The following MNAT1 variants were observed in gnomAD, a reference collection of about 807,000 sequenced individuals.
MNAT1 encodes the protein MNAT1 component of CDK activating kinase, also known as CDK-activating kinase assembly factor MAT1.
MNAT1 carries 43 observed loss-of-function variants against 42.0 expected under a neutral mutation model. That is an observed-to-expected ratio of 1.02 (90% CI 0.80 to 1.32). The LOEUF (loss-of-function observed/expected upper bound fraction) is 1.32. Among genes scored for constraint, MNAT1 ranks in the 40% most tolerant of loss-of-function variants. The probability of loss-of-function intolerance (pLI) is 0.00; values close to 1 mark genes in which losing one functional copy is unlikely to be tolerated. For synonymous variants in MNAT1, 118 were observed against 120.0 expected, an observed-to-expected ratio of 0.98 and a Z score of 0.11; for missense variants, 306 against 350.4, an observed-to-expected ratio of 0.87 and a Z score of 1.01.
chr14:60,888,287 G>T (rs1287058729), intron 7 of MNAT1, among the ~76,000 whole-genome samples: 1 of 151,678 alleles, frequency 6.6e-6, no homozygotes, highest in Non-Finnish European at 1.5e-5. Flanking sequence ...TGCAAGGCTG[G>T]TTCAACATAC....
chr14:60,901,852 G>C (rs2035078878), intron 7 of MNAT1, among the ~76,000 whole-genome samples: 1 of 152,202 alleles, frequency 6.6e-6, no homozygotes, highest in Non-Finnish European at 1.5e-5. Flanking sequence ...GATGGAATCT[G>C]CTCCTGGTGA....
At chr14:60,921,150 T>C (rs2035651366) in intron 7 of MNAT1, among the ~76,000 whole-genome samples, 1 of 152,164 alleles carries the variant, frequency 6.6e-6, no homozygotes, top group Non-Finnish European at 1.5e-5. Context: ...AGATGTTACA[T>C]AAACTGTTGG....
chr14:60,790,244 AC>A (rs2031775947), intron 1 of MNAT1, among the ~76,000 whole-genome samples: 1 of 152,068 alleles, frequency 6.6e-6, no homozygotes, highest in Non-Finnish European at 1.5e-5. Context: ...AAATCTTGGG[AC>A]CCCCAAAATC....
intron 7 of MNAT1, among the ~76,000 whole-genome samples, chr14:60,906,415 A>G (rs1328233783): frequency 6.6e-6 from 1 of 152,202 alleles, no homozygotes; most frequent in African/African-American, 2.4e-5. Context: ...ATGGTGGGCA[A>G]TGGTGGCAAG....
At chr14:60,918,758 T>TATA (rs371722863) in intron 7 of MNAT1, among the ~76,000 whole-genome samples, 24,158 of 142,010 alleles carry the variant, frequency 0.17, 2,184 homozygotes, top group South Asian at 0.24. Flanking sequence ...ATATATATAT[T>TATA]TTTGTCCTTA....
intron 1 of MNAT1, among the ~76,000 whole-genome samples, chr14:60,770,039 G>A (rs2030992361): frequency 6.6e-6 from 1 of 152,000 alleles, no homozygotes; most frequent in Admixed American, 6.6e-5. Flanking sequence ...TGAATCTCTA[G>A]AACTTTTTCA....
intron 7 of MNAT1, among the ~76,000 whole-genome samples, chr14:60,885,107 A>G (rs939218278): frequency 6.6e-6 from 1 of 151,718 alleles, no homozygotes; most frequent in African/African-American, 2.4e-5. Flanking sequence ...TGCTTGTAGA[A>G]TTCTTTATCC....
At chr14:60,780,733 T>C in intron 1 of MNAT1, 1 of 596,810 alleles carries the variant, frequency 1.7e-6, no homozygotes, top group Non-Finnish European at 2.9e-6. Context: ...CTGAACTGTG[T>C]GTAATTGTTC....
chr14:60,944,466 C>T (rs560592767), intron 7 of MNAT1, among the ~76,000 whole-genome samples: 11 of 152,118 alleles, frequency 7.2e-5, no homozygotes, highest in East Asian at 1.9e-4. Flanking sequence ...TCGCCAGCAA[C>T]CAAATCAGCC....
At chr14:60,905,531 G>A (rs2035176545) in intron 7 of MNAT1, among the ~76,000 whole-genome samples, 1 of 152,164 alleles carries the variant, frequency 6.6e-6, no homozygotes, top group South Asian at 2.1e-4. Flanking sequence ...TCAGCAACCA[G>A]GAGAACCAGG....
intron 7 of MNAT1, among the ~76,000 whole-genome samples, chr14:60,887,710 T>G (rs1027373713): frequency 2.0e-5 from 3 of 151,242 alleles, no homozygotes; most frequent in Non-Finnish European, 4.4e-5. Flanking sequence ...GCAAGACTAA[T>G]AAAGAACAAA....
intron 6 of MNAT1, among the ~76,000 whole-genome samples, chr14:60,859,732 C>T (rs548852912): frequency 1.3e-5 from 2 of 152,144 alleles, no homozygotes; most frequent in South Asian, 2.1e-4. Context: ...CAGTCTCTTT[C>T]CTCTTGACAC....
At chr14:60,911,030 A>T (rs35719600) in intron 7 of MNAT1, among the ~76,000 whole-genome samples, 8,337 of 152,116 alleles carry the variant, frequency 0.055, 337 homozygotes, top group Non-Finnish European at 0.078. Context: ...CAGAGATTCA[A>T]CTTCTTCCTG....
chr14:60,818,268 C>A (rs905510775), intron 5 of MNAT1, among the ~76,000 whole-genome samples: 1 of 151,858 alleles, frequency 6.6e-6, no homozygotes, highest in Non-Finnish European at 1.5e-5. Flanking sequence ...GTTGTACTTA[C>A]AATAGTTTCA....
chr14:60,849,157 G>A (rs1410101269), intron 6 of MNAT1, among the ~76,000 whole-genome samples: 2 of 152,164 alleles, frequency 1.3e-5, no homozygotes, highest in Non-Finnish European at 2.9e-5. Context: ...TAAGCACATG[G>A]AAATACTTTG....
At chr14:60,780,311 G>C in intron 1 of MNAT1, 13 of 1,536,580 alleles carry the variant, frequency 8.5e-6, no homozygotes, top group African/African-American at 1.4e-5. Flanking sequence ...GACTGCAAAA[G>C]ATGACAGTGC....
At chr14:60,840,616 G>A (rs1014239263) in intron 6 of MNAT1, among the ~76,000 whole-genome samples, 1 of 152,074 alleles carries the variant, frequency 6.6e-6, no homozygotes, top group African/African-American at 2.4e-5. Flanking sequence ...TTGAGTTCTA[G>A]TTACTATAGT....
At chr14:60,958,634 C>CTT (rs71114172) in intron 7 of MNAT1, among the ~76,000 whole-genome samples, 23,308 of 93,858 alleles carry the variant, frequency 0.25, 6,131 homozygotes, top group Non-Finnish European at 0.3. Context: ...GAGACAAGGT[C>CTT]TTTTTTTTTT....
chr14:60,935,478 A>G (rs2035976736), intron 7 of MNAT1, among the ~76,000 whole-genome samples: 1 of 152,162 alleles, frequency 6.6e-6, no homozygotes, highest in Admixed American at 6.5e-5. Flanking sequence ...CCATTAGTTG[A>G]AGGAACTAGA....
Sources: allele counts gnomAD v4.1 joint callset (sites outside exome capture counted in the v4.1 genomes callset), GRCh38; gene constraint gnomAD v4.1.1; transcripts MANE v1.5; gene names NCBI Gene and HGNC (gene_info 2026-07-23, HGNC 2026-07-21).